Variants in NID1 observed in about 807,000 individuals in gnomAD.
NID1 encodes nidogen-1.
In NID1, 76 loss-of-function variants were observed where a neutral mutation model predicts 130.6. The observed-to-expected ratio is 0.58, with a 90% confidence interval of 0.48 to 0.70. The LOEUF (loss-of-function observed/expected upper bound fraction) is 0.70, where lower values mean the gene tolerates loss of function less well. Ranked by LOEUF, NID1 falls within the 30% of genes least tolerant of loss-of-function variation. The pLI, the probability that NID1 is intolerant of heterozygous loss-of-function variation, is 0.00. For synonymous variants in NID1, 665 were observed against 675.1 expected (o/e 0.98, Z 0.23); for missense variants, 1,517 against 1,664.8 (o/e 0.91, Z 1.54).
At chr1:236,003,379 T>C (rs1437534387) in intron 12 of NID1, among the ~76,000 whole-genome samples, 1 of 152,194 alleles carries the variant, frequency 6.6e-6, no homozygotes, top group Non-Finnish European at 1.5e-5. Flanking sequence ...ATGCTACTAG[T>C]TAGTTGGATG....
Position 236,017,148 on chromosome 1 carries a change from C to G in NID1, c.2254G>C (p.Ala752Pro). 5 of 1,613,940 alleles carry G rather than the reference C, an allele frequency of 3.1e-6. No individual in the cohort carries two copies. Among genetic ancestry groups the G allele is most frequent in the Non-Finnish European group, 4.2e-6 (5 of 1,179,880 alleles). Residue 752 changes from alanine (A) to proline (P), a missense_variant and splice_region_variant, in exon 10 of 20, where the codon GCT (alanine) becomes CCT (proline). Ala to Pro is a conservative substitution (Grantham distance 27). Transcript: ENST00000264187. Reference protein sequence around the residue: ...YQFSDEGTCVAVVDQRPINYC... With the variant: ...YQFSDEGTCVPVVDQRPINYC... ...TCGAAAAGTTACCTGGAGAACTTACCCACACACGTTCCCTCATCTGAAAAC... is the reference window on the plus strand; with the variant it reads ...TCGAAAAGTTACCTGGAGAACTTACGCACACACGTTCCCTCATCTGAAAAC...
At chr1:236,012,696 A>G (rs1658468226) in intron 11 of NID1, among the ~76,000 whole-genome samples, 1 of 152,214 alleles carries the variant, frequency 6.6e-6, no homozygotes, top group African/African-American at 2.4e-5. Context: ...CTGAGTGTTT[A>G]CTGACAGATT....
chr1:236,012,323 G>A (rs966959260), intron 11 of NID1, among the ~76,000 whole-genome samples: 1 of 152,158 alleles, frequency 6.6e-6, no homozygotes, highest in African/African-American at 2.4e-5. Flanking sequence ...TTGGGAGGCC[G>A]AGGCAGGCAG....
At chr1:236,040,343 C>T (rs531121835) in intron 4 of NID1, among the ~76,000 whole-genome samples, 6 of 152,288 alleles carry the variant, frequency 3.9e-5, no homozygotes, top group African/African-American at 1.2e-4. Flanking sequence ...TCTCCATTTC[C>T]GTGCCTCAGA....
At chr1:236,026,268 G>T in intron 7 of NID1, 127 bp from the exon 8 acceptor site, 1 of 1,123,170 alleles carries the variant, frequency 8.9e-7, no homozygotes, top group Non-Finnish European at 1.3e-6. Flanking sequence ...GCTACCAGAT[G>T]ACAGACCAGA....
At chr1:235,988,643 A>C (rs972108623) in intron 14 of NID1, among the ~76,000 whole-genome samples, 17 of 152,224 alleles carry the variant, frequency 1.1e-4, no homozygotes, top group African/African-American at 3.9e-4. Flanking sequence ...TAGATGAATA[A>C]ATACACAAAA....
At chr1:236,057,223 C>G (rs1228380926) in intron 1 of NID1, among the ~76,000 whole-genome samples, 1 of 152,126 alleles carries the variant, frequency 6.6e-6, no homozygotes, top group Non-Finnish European at 1.5e-5. Flanking sequence ...TGTGCCACTG[C>G]ACTCCGGCCT....
At chr1:236,052,652 C>T (rs1043212460) in intron 1 of NID1, among the ~76,000 whole-genome samples, 12 of 152,186 alleles carry the variant, frequency 7.9e-5, no homozygotes, top group Non-Finnish European at 1.8e-4. Context: ...GTGGGGTGTC[C>T]GTGTTCTCCC....
chr1:236,064,561 T>C (rs777926733), intron 1 of NID1: 3 of 373,392 alleles, frequency 8.0e-6, no homozygotes, highest in Non-Finnish European at 1.5e-5. Flanking sequence ...CCTGCGGCGA[T>C]GCAGCCCACA....
In NID1 at chr1:236,064,963, G is replaced by C. The variant is rs757012880; in HGVS notation, c.117C>G (p.Pro39=). ...CCTCCAGCTCCAGGTCCCCCTGTCC[G>C]GGGCCGAAGGGAAAGAGCTCCTGGC... The part of the protein sequence containing the change: ...LSRQELFPFG[P]GQGDLELEDG... The change falls in exon 1 of 20, where the codon CCC becomes CCG. Residue 39 remains proline (P), a synonymous_variant. Coordinates refer to ENST00000264187, the MANE Select transcript of NID1 (RefSeq NM_002508.3). The C allele has an allele frequency of 1.2e-5, 19 of 1,595,488 alleles. No homozygotes were observed. Among genetic ancestry groups the C allele is most frequent in the South Asian group, 3.4e-5 (3 of 88,348 alleles).
At chr1:236,037,614 C>T (rs951113430) in intron 5 of NID1, among the ~76,000 whole-genome samples, 7 of 151,656 alleles carry the variant, frequency 4.6e-5, no homozygotes, top group African/African-American at 1.7e-4. Context: ...GCCAAGGTCA[C>T]ACCACTGCAC....
intron 12 of NID1, among the ~76,000 whole-genome samples, chr1:236,006,051 T>C (rs1658239326): frequency 6.6e-6 from 1 of 152,220 alleles, no homozygotes; most frequent in African/African-American, 2.4e-5. Context: ...TTTATTTTTC[T>C]CTTGGGAGAC....
chr1:236,044,618 A>G (rs956254367), intron 3 of NID1, among the ~76,000 whole-genome samples: 11 of 152,200 alleles, frequency 7.2e-5, no homozygotes, highest in African/African-American at 2.4e-4. Context: ...AGTGAAGGGC[A>G]GAGGAATTCA....
intron 3 of NID1, among the ~76,000 whole-genome samples, chr1:236,043,714 C>T (rs2385055): frequency 0.23 from 34,717 of 151,954 alleles, 4,751 homozygotes; most frequent in Admixed American, 0.37. Context: ...AGGAGAATGG[C>T]GTGAACCCGG....
chr1:235,994,003 C>A (rs1479262715), intron 12 of NID1, 131 bp from the exon 13 acceptor site: 4 of 711,378 alleles, frequency 5.6e-6, no homozygotes, highest in East Asian at 5.5e-5. Context: ...GGTTTTGTTT[C>A]ATCAGTTATT....
At chr1:236,038,840 A>T (rs11584007) in intron 4 of NID1, among the ~76,000 whole-genome samples, 1,131 of 99,096 alleles carry the variant, frequency 0.011, 112 homozygotes, top group African/African-American at 0.051. Flanking sequence ...ATATATAATA[A>T]ATATTACCTA....
intron 9 of NID1, among the ~76,000 whole-genome samples, chr1:236,018,136 T>TG (rs1658656142): frequency 6.6e-6 from 1 of 152,186 alleles, no homozygotes; most frequent in Non-Finnish European, 1.5e-5. Flanking sequence ...TCCTTTTATA[T>TG]GACAATACTA....
In NID1 at chr1:236,026,121, G is replaced by A. The variant is rs765915150; in HGVS notation, c.1759C>T (p.Arg587Trp). 8.7e-6 allele frequency: 14 copies of A among 1,613,694 alleles called. No individual in the cohort carries two copies. Among genetic ancestry groups the A allele is most frequent in the African/African-American group, 6.7e-5 (5 of 74,898 alleles). ...TCGGGCTCAGTCACCGTGTACTCCC[G>A]GGTGGAGGAGGAAGTGATCACTGCA... ...STSVITSSST[R>W]EYTVTEPERD... is the part of the protein sequence containing the mutation. The change falls in exon 8 of 20, where the codon CGG becomes TGG. Residue 587 changes from arginine to tryptophan, a missense_variant. Physicochemically the swap from Arg to Trp is moderately radical, Grantham distance 101. Coordinates refer to ENST00000264187, the MANE Select transcript of NID1 (RefSeq NM_002508.3).
intron 14 of NID1, among the ~76,000 whole-genome samples, chr1:235,990,447 A>T (rs906287867): frequency 1.3e-5 from 2 of 152,196 alleles, no homozygotes. Flanking sequence ...ATTCTGACTC[A>T]GCCTTGTAGT....
Sources: gnomAD v4.1 joint callset for allele counts (sites outside exome capture counted in the v4.1 genomes callset) on GRCh38, gnomAD v4.1.1 for gene constraint, MANE v1.5 for transcripts, NCBI Gene and HGNC (gene_info 2026-07-23, HGNC 2026-07-21) for gene names.